Variants in MARF1 observed in about 807,000 individuals in gnomAD.
MARF1 encodes limkain-b1.
MARF1 carries 24 observed loss-of-function variants against 168.2 expected under a neutral mutation model. The ratio of observed to expected loss-of-function variants is 0.14; its 90% confidence interval spans 0.10 to 0.20. The LOEUF (loss-of-function observed/expected upper bound fraction) is 0.20, where lower values mean the gene tolerates loss of function less well. MARF1 is among the 10% of genes least tolerant of loss of function. The pLI, the probability that MARF1 is intolerant of heterozygous loss-of-function variation, is 1.00. For missense variants in MARF1, 1,744 were observed against 2,143.6 expected, an observed-to-expected ratio of 0.81 and a Z score of 3.68; for synonymous variants, 868 against 822.4, an observed-to-expected ratio of 1.06 and a Z score of -0.95.
chr16:15,625,871 A>C, intron 7 of MARF1, 71 bp from the exon 8 acceptor site: 1 of 1,234,776 alleles, frequency 8.1e-7, no homozygotes, highest in Non-Finnish European at 1.2e-6. Flanking sequence ...AATAAGAACA[A>C]TGGGTGACCT....
intron 25 of MARF1, 147 bp from the exon 26 acceptor site, chr16:15,599,171 A>AAAC (rs2032136043): frequency 1.1e-5 from 9 of 783,002 alleles, no homozygotes; most frequent in African/African-American, 9.4e-5. Context: ...AAAAAAAAAA[A>AAAC]AAAACAAAAA....
At chr16:15,604,052 AT>A (rs1037627156) in intron 22 of MARF1, 115 bp downstream of exon 22, 7 of 778,558 alleles carry the variant, frequency 9.0e-6, no homozygotes, top group Non-Finnish European at 1.5e-5. Flanking sequence ...CATCCATGAA[AT>A]GGTCTCTCGG....
chr16:15,638,951 A>G (rs760802941), intron 2 of MARF1, 139 bp downstream of exon 2: 798 of 703,726 alleles, frequency 1.1e-3, no homozygotes, highest in Middle Eastern at 3.2e-3. Context: ...ATAATGTGGT[A>G]TAAGAGGCAA....
At position 15,625,805 on chromosome 16, in the gene MARF1, T is replaced by C; in HGVS notation, c.1525-5A>G. 1 of 1,606,832 alleles carries C rather than the reference T, an allele frequency of 6.2e-7. No homozygotes were observed. The highest frequency in any genetic ancestry group is 1.1e-5 in the South Asian group (1 of 90,934). On this transcript the variant is annotated splice_polypyrimidine_tract_variant and splice_region_variant and intron_variant, in intron 7 of 26. Coordinates refer to ENST00000396368, the MANE Select transcript of MARF1 (RefSeq NM_014647.4). ...ATAGAGCAGAGTGTGGCACTGCTAA[T>C]ACAGAGGAAAGAAGTGTTACGTCAG...
intron 13 of MARF1, 45 bp from the exon 14 acceptor site, chr16:15,617,580 T>G: frequency 2.3e-6 from 3 of 1,330,806 alleles, no homozygotes; most frequent in African/African-American, 1.5e-5. Context: ...GGTTTTTCTT[T>G]GATTATACAG....
intron 23 of MARF1, chr16:15,601,024 C>A (rs949100893): frequency 8.5e-6 from 5 of 591,532 alleles, no homozygotes; most frequent in African/African-American, 7.3e-5. Context: ...GAGCTCTTTG[C>A]CATTTTTTTG....
chr16:15,613,012 G>A (rs1344697214), intron 16 of MARF1, among the ~76,000 whole-genome samples: 2 of 152,166 alleles, frequency 1.3e-5, no homozygotes, highest in Non-Finnish European at 2.9e-5. Flanking sequence ...AAGTTAAGCG[G>A]CCAAGGTAAA....
intron 7 of MARF1, among the ~76,000 whole-genome samples, chr16:15,626,076 G>C (rs1343871207): frequency 1.3e-4 from 20 of 152,128 alleles, no homozygotes; most frequent in Admixed American, 1.3e-3. Flanking sequence ...AGGCTGGAGT[G>C]ACTGTGCCAC....
chr16:15,596,611 A>C lies in MARF1; in HGVS notation c.*82T>G. 7.1e-7 allele frequency: 1 copy of C among 1,404,708 alleles called. No individual in the cohort carries two copies. Among genetic ancestry groups the C allele is most frequent in the African/African-American group, 1.4e-5 (1 of 69,468 alleles). The allele number at this position is 1,404,708 out of a possible 1,614,324, so 87.0% of individuals were successfully genotyped here. A position where few individuals can be genotyped will look rare whatever the true frequency, so the allele number is the denominator to read the frequency against. The stretch of plus-strand genomic sequence containing the variant: ...CTTCGGGGGGTTTTCATGACACAGA[A>C]AAGGATGTATTTTTGAAACCCACTT... On this transcript the variant is annotated 3_prime_UTR_variant, in exon 27 of 27. Coordinates refer to ENST00000396368, the MANE Select transcript of MARF1 (RefSeq NM_014647.4).
chr16:15,630,597 G>A (rs1316504384), intron 6 of MARF1, 93 bp from the exon 7 acceptor site: 2 of 1,183,290 alleles, frequency 1.7e-6, no homozygotes, highest in Admixed American at 5.8e-5. Context: ...GAGAAGAAAG[G>A]AAAGGCTGGA....
intron 1 of MARF1, among the ~76,000 whole-genome samples, chr16:15,642,020 G>C (rs2036013991): frequency 6.6e-6 from 1 of 152,160 alleles, no homozygotes; most frequent in African/African-American, 2.4e-5. Flanking sequence ...TTTGACTGCG[G>C]TGCAGCTTTG....
At position 15,596,518 on chromosome 16, in the gene MARF1, T is replaced by C. The variant is rs2031701377; in HGVS notation, c.*175A>G. On this transcript the variant is annotated 3_prime_UTR_variant, in exon 27 of 27. Transcript: ENST00000396368. Reference sequence around the variant, plus strand: ...GAAAAAGGAAGAAGAAAAGAAAGACTTCAGCTCAAAGCTGTGTTCAATGGA... The same window carrying C: ...GAAAAAGGAAGAAGAAAAGAAAGACCTCAGCTCAAAGCTGTGTTCAATGGA... 4.0e-6 allele frequency: 2 copies of C among 493,930 alleles called. No individual in the cohort carries two copies. The highest frequency in any genetic ancestry group is 6.9e-6 in the Non-Finnish European group (2 of 291,642). 30.6% of individuals were successfully genotyped at this position (493,930 alleles called of 1,614,324 possible). A position where few individuals can be genotyped will look rare whatever the true frequency, so the allele number is the denominator to read the frequency against.
rs77419397 is a variant in MARF1, at chr16:15,600,265, C to G, written c.4813+163G>C. Among the ~76,000 whole-genome samples the G allele has an allele frequency of 6.1e-3, 930 of 152,296 alleles. 8 individuals are homozygous for G. Among genetic ancestry groups the G allele is most frequent in the Non-Finnish European group, 0.01 (696 of 68,024 alleles). On this transcript the variant is annotated intron_variant, in intron 25 of 26. Transcript: ENST00000396368. The stretch of plus-strand genomic sequence containing the variant: ...GCTAACAGATAAAGGTCAATTTTAT[C>G]CTGTTACTAACTAAATACCAAAACT...
chr16:15,640,125 A>G (rs1364748556), intron 1 of MARF1, among the ~76,000 whole-genome samples: 3 of 152,212 alleles, frequency 2.0e-5, no homozygotes, highest in African/African-American at 7.2e-5. Context: ...ATCTGAGTAA[A>G]AGAGCCACCA....
chr16:15,595,442 G>GC lies in MARF1; in HGVS notation c.*1250dup. On this transcript the variant is annotated 3_prime_UTR_variant, in exon 27 of 27. Coordinates refer to ENST00000396368, the MANE Select transcript of MARF1 (RefSeq NM_014647.4). Reference sequence around the variant, plus strand: ...TTCTTTCTGCTCTATGAATGAATCCGCCTTTTTTGCCGGACAAATACAATC... The same window carrying GC: ...TTCTTTCTGCTCTATGAATGAATCCGCCCTTTTTTGCCGGACAAATACAATC... 6.6e-6 allele frequency: 1 copy of GC among 152,636 alleles called. No homozygotes were observed. Among genetic ancestry groups the GC allele is most frequent in the African/African-American group, 2.4e-5 (1 of 41,530 alleles). The allele number at this position is 152,636 out of a possible 1,614,324, so 9.5% of individuals were successfully genotyped here. A position where few individuals can be genotyped will look rare whatever the true frequency, so the allele number is the denominator to read the frequency against.
chr16:15,634,623 T>G, intron 4 of MARF1, 134 bp downstream of exon 4: 1 of 760,748 alleles, frequency 1.3e-6, no homozygotes, highest in African/African-American at 1.8e-5. Context: ...TCTACCAAGA[T>G]ATGGAATTGG....
At chr16:15,607,728 G>A (rs1377884256) in intron 21 of MARF1, among the ~76,000 whole-genome samples, 1 of 152,142 alleles carries the variant, frequency 6.6e-6, no homozygotes, top group Non-Finnish European at 1.5e-5. Flanking sequence ...TGTGGGGGAG[G>A]AGGCCGAAAA....
chr16:15,616,034 G>C, intron 15 of MARF1, 29 bp from the exon 16 acceptor site: 3 of 1,443,612 alleles, frequency 2.1e-6, no homozygotes, highest in Non-Finnish European at 2.8e-6. Flanking sequence ...ACAAAAAAAG[G>C]AAAGGTTAAA....
rs1218152752 is a variant in MARF1, at chr16:15,613,688, T to TAAATAAAA, written c.3254-912_3254-911insTTTTATTT. On this transcript the variant is annotated intron_variant, in intron 16 of 26. Transcript: ENST00000396368. Reference sequence around the variant, plus strand: ...ATAAATAAATAAATAAATAAATAAATAAAATAAAATAAAATAAAATAAAAA... The same window carrying TAAATAAAA: ...ATAAATAAATAAATAAATAAATAAATAAATAAAAAAAATAAAATAAAATAAAATAAAAA... Among the ~76,000 whole-genome samples the TAAATAAAA allele has an allele frequency of 6.3e-4, 90 of 144,000 alleles. 1 individual carries two copies. Among genetic ancestry groups the TAAATAAAA allele is most frequent in the African/African-American group, 2.2e-3 (85 of 37,958 alleles). 94.5% of individuals were successfully genotyped at this position (144,000 alleles called of 152,430 possible). A position where few individuals can be genotyped will look rare whatever the true frequency, so the allele number is the denominator to read the frequency against.
Sources: allele counts gnomAD v4.1 joint callset (sites outside exome capture counted in the v4.1 genomes callset), GRCh38; gene constraint gnomAD v4.1.1; transcripts MANE v1.5; gene names NCBI Gene and HGNC (gene_info 2026-07-23, HGNC 2026-07-21).